Variants in AKAP9 observed in about 807,000 individuals in gnomAD.
AKAP9 encodes the protein A-kinase anchoring protein 9.
In AKAP9, 311 loss-of-function variants were observed where a neutral mutation model predicts 488.5. The observed-to-expected ratio is 0.64, with a 90% CI of 0.58 to 0.70. The LOEUF is 0.70. AKAP9 is among the 30% of genes least tolerant of loss of function. The pLI, the probability that AKAP9 is intolerant of heterozygous loss-of-function variation, is 0.00. For synonymous variants in AKAP9, 1,462 were observed against 1,483.5 expected, an observed-to-expected ratio of 0.99 and a Z score of 0.33; for missense variants, 4,215 against 4,374.5, an observed-to-expected ratio of 0.96 and a Z score of 1.03.
chr7:92,062,387 C>T lies in AKAP9; in HGVS notation c.5878C>T (p.Gln1960Ter). 1 of 1,613,756 alleles carries T rather than the reference C, an allele frequency of 6.2e-7. No individual in the cohort carries two copies. The highest frequency in any genetic ancestry group is 8.5e-7 in the Non-Finnish European group (1 of 1,179,850). Residue 1960 changes from glutamine (Q) to a stop codon, truncating the protein, a stop_gained, in exon 24 of 50, where the codon CAA becomes TAA. Coordinates refer to ENST00000356239, the MANE Select transcript of AKAP9 (RefSeq NM_005751.5). LOFTEE classifies it high-confidence loss of function. ...QELLCASNRL[Q>*]ELEAEQQQIQ... ...GTTGTTATGTGCAAGTAACAGGTTG[C>T]AAGAATTGGAGGCAGAGCAACAGCA... is the stretch of plus-strand genomic sequence containing the variant.
intron 44 of AKAP9, among the ~76,000 whole-genome samples, chr7:92,100,414 GA>G (rs1458207080): frequency 6.6e-6 from 1 of 152,170 alleles, no homozygotes; most frequent in African/African-American, 2.4e-5. Context: ...TATAAAGATA[GA>G]AAAGACCTGT....
At chr7:91,947,582 C>A (rs987791504) in intron 1 of AKAP9, among the ~76,000 whole-genome samples, 1 of 152,116 alleles carries the variant, frequency 6.6e-6, no homozygotes, top group Admixed American at 6.5e-5. Context: ...CCTTGTGATC[C>A]GTCCACCTTG....
rs780751910 is a variant in AKAP9 at position 91,983,221 on chromosome 7, GC to G, written c.351+2893del. Among the ~76,000 whole-genome samples the G allele has an allele frequency of 2.6e-5, 4 of 152,106 alleles. 1 individual carries two copies. On this transcript the variant is annotated intron_variant, in intron 3 of 49. Coordinates refer to ENST00000356239, the MANE Select transcript of AKAP9 (RefSeq NM_005751.5). ...CCTCCTGCCCGCCACCCCACGACAG[GC>G]CCCCATGTGTGATGTTCCCTGCCCT...
rs1440797039 is a variant in AKAP9 at position 92,065,307 on chromosome 7, C to G, written c.6054C>G (p.Asp2018Glu). The stretch of plus-strand genomic sequence containing the variant: ...GTCAAGCTGAAAAAGTACGTGATGA[C>G]CTTCAAAAACAAGTGAAAGCTCTAG... Reference protein sequence around the residue: ...VQCQAEKVRDDLQKQVKALEI... With the variant: ...VQCQAEKVRDELQKQVKALEI... Residue 2018 changes from aspartate (D) to glutamate (E), a missense_variant, in exon 25 of 50, where the codon GAC (aspartate) becomes GAG (glutamate). Transcript: ENST00000356239. 6.2e-7 allele frequency: 1 copy of G among 1,612,856 alleles called. No homozygotes were observed. Among genetic ancestry groups the G allele is most frequent in the Non-Finnish European group, 8.5e-7 (1 of 1,179,416 alleles).
intron 1 of AKAP9, among the ~76,000 whole-genome samples, chr7:91,968,363 C>G (rs1437445737): frequency 2.6e-5 from 4 of 152,040 alleles, no homozygotes; most frequent in Admixed American, 6.6e-5. Flanking sequence ...TCTTTTTCTT[C>G]TAGGTTTTTG....
intron 1 of AKAP9, among the ~76,000 whole-genome samples, chr7:91,963,309 GA>G (rs1428209499): frequency 1.3e-5 from 2 of 151,976 alleles, no homozygotes; most frequent in African/African-American, 4.8e-5. Flanking sequence ...GAATAACTGG[GA>G]AAAAATTTAA....
At chr7:91,945,514 A>G (rs1791357624) in intron 1 of AKAP9, among the ~76,000 whole-genome samples, 1 of 152,140 alleles carries the variant, frequency 6.6e-6, no homozygotes, top group East Asian at 1.9e-4. Context: ...CTCAAAAAAC[A>G]AAACAAAACA....
chr7:92,072,722 C>T (rs540326047), intron 28 of AKAP9, among the ~76,000 whole-genome samples: 1 of 151,574 alleles, frequency 6.6e-6, no homozygotes. Flanking sequence ...GAAAAAGATA[C>T]GTTCCATAGG....
Position 92,097,698 on chromosome 7 carries a change from G to C in AKAP9, c.10511G>C (p.Gly3504Ala). The change falls in exon 42 of 50, where the codon GGA becomes GCA. Residue 3504 changes from glycine to alanine, a missense_variant. By Grantham distance (60) the Gly-to-Ala change is moderately conservative. Coordinates refer to ENST00000356239, the MANE Select transcript of AKAP9 (RefSeq NM_005751.5). ...GCTAAATTGATTGAAATGAATGGAGGAGGAACCGGCTGTAATCATGAATTA... is the reference window on the plus strand; with the variant it reads ...GCTAAATTGATTGAAATGAATGGAGCAGGAACCGGCTGTAATCATGAATTA... ...NYAKLIEMNG[G>A]GTGCNHELEM... 1 of 1,614,170 alleles carries C rather than the reference G, an allele frequency of 6.2e-7. No homozygotes were observed. The highest frequency in any genetic ancestry group is 8.5e-7 in the Non-Finnish European group (1 of 1,180,010).
rs1232697226 is a variant in AKAP9 at position 92,052,840 on chromosome 7, G to C, written c.5483G>C (p.Ser1828Thr). Residue 1828 changes from serine (S) to threonine (T), a missense_variant, in exon 22 of 50, where the codon AGT becomes ACT. This residue lies in a region of AKAP9 where 2,361 missense variants were observed against 2,430.0 expected (regional missense o/e 0.97). Coordinates refer to ENST00000356239, the MANE Select transcript of AKAP9 (RefSeq NM_005751.5). Reference sequence around the variant, plus strand: ...GAGCTGTCACAACGACTTGTGAGGAGTGGTTTTGCTGGAACTGAAATAGAC... The same window carrying C: ...GAGCTGTCACAACGACTTGTGAGGACTGGTTTTGCTGGAACTGAAATAGAC... Reference protein sequence around the residue: ...GTELSQRLVRSGFAGTEIDPE... With the variant: ...GTELSQRLVRTGFAGTEIDPE... 6.2e-7 allele frequency: 1 copy of C among 1,613,866 alleles called. No individual in the cohort carries two copies.
chr7:92,016,522 C>T (rs986125405), intron 11 of AKAP9, among the ~76,000 whole-genome samples: 3 of 151,948 alleles, frequency 2.0e-5, no homozygotes, highest in Non-Finnish European at 4.4e-5. Context: ...CTATCTTTTT[C>T]CTTATCCTAA....
rs963619590 is a variant in AKAP9, at chr7:92,013,371, C to T, written c.3532+729C>T. On this transcript the variant is annotated intron_variant, in intron 9 of 49. Transcript: ENST00000356239. ...CACCCATTTTGGAAAATTGAGAGTT[C>T]AAGGTGTGTGAGAAAGTAGTTGGGG... Among the ~76,000 whole-genome samples the T allele has an allele frequency of 2.0e-5, 3 of 151,950 alleles. No individual in the cohort carries two copies. The South Asian group carries it at 6.2e-4, about 31-fold the overall frequency.
At chr7:92,080,254 C>T (rs900948941) in intron 31 of AKAP9, 102 bp downstream of exon 31, 2 of 944,886 alleles carry the variant, frequency 2.1e-6, no homozygotes, top group African/African-American at 3.4e-5. Flanking sequence ...ACAATTTATA[C>T]AAGAAGGTTT....
At chr7:92,096,337 T>G (rs1053202850) in intron 40 of AKAP9, among the ~76,000 whole-genome samples, 1 of 149,014 alleles carries the variant, frequency 6.7e-6, no homozygotes, top group African/African-American at 2.5e-5. Flanking sequence ...TTTTTTTGTT[T>G]TTTTTTTTTT....
chr7:92,018,441 C>CACACACAG (rs1554413469), intron 12 of AKAP9, among the ~76,000 whole-genome samples: 4 of 60,514 alleles, frequency 6.6e-5, no homozygotes, highest in African/African-American at 5.9e-5. Context: ...CACACACACA[C>CACACACAG]AGAGAAATAT....
At chr7:92,023,867 C>T (rs760798797) in intron 14 of AKAP9, among the ~76,000 whole-genome samples, 5 of 152,038 alleles carry the variant, frequency 3.3e-5, no homozygotes, top group Non-Finnish European at 7.4e-5. Context: ...GCTTTAGGGA[C>T]TTCTCATTGG....
chr7:91,997,374 G>C (rs937008896), intron 7 of AKAP9, among the ~76,000 whole-genome samples: 1 of 152,204 alleles, frequency 6.6e-6, no homozygotes, highest in Non-Finnish European at 1.5e-5. Flanking sequence ...GTAAGCTTTA[G>C]TGGAAGAGTT....
intron 1 of AKAP9, among the ~76,000 whole-genome samples, chr7:91,950,684 A>G (rs1174839748): frequency 6.6e-6 from 1 of 152,192 alleles, no homozygotes; most frequent in African/African-American, 2.4e-5. Context: ...TGCAGTGGGC[A>G]TGGGGCAGAG....
At position 91,940,943 on chromosome 7, in the gene AKAP9, C is replaced by T; in HGVS notation, c.-157C>T. Reference sequence around the variant, plus strand: ...CGGCTGAGGACGATCCGCCAGTGAGCGCGGAGACTGCTTCCACTTCGGGCG... The same window carrying T: ...CGGCTGAGGACGATCCGCCAGTGAGTGCGGAGACTGCTTCCACTTCGGGCG... On this transcript the variant is annotated 5_prime_UTR_variant, in exon 1 of 50. Transcript: ENST00000356239. The T allele has an allele frequency of 1.3e-6, 1 of 781,072 alleles. No individual in the cohort carries two copies. Among genetic ancestry groups the T allele is most frequent in the Non-Finnish European group, 2.2e-6 (1 of 448,738 alleles). The allele number at this position is 781,072 out of a possible 1,614,324, so 48.4% of individuals were successfully genotyped here.
Sources: gnomAD v4.1 joint callset for allele counts (sites outside exome capture counted in the v4.1 genomes callset) on GRCh38, gnomAD v4.1.1 for gene constraint, gnomAD v4.1.1 regional missense constraint, MANE v1.5 for transcripts, NCBI Gene and HGNC (gene_info 2026-07-23, HGNC 2026-07-21) for gene names.